Variants in PIK3C3 observed in about 807,000 individuals in gnomAD.
PIK3C3 encodes the protein phosphatidylinositol 3-kinase catalytic subunit type 3, also known as PI3-kinase type 3.
PIK3C3 carries 95 observed loss-of-function variants against 126.1 expected under a neutral mutation model. That is an observed-to-expected ratio of 0.75 (90% CI 0.64 to 0.89). The LOEUF (loss-of-function observed/expected upper bound fraction) is 0.89, where lower values mean the gene tolerates loss of function less well. Ranked by LOEUF, PIK3C3 falls within the 40% of genes least tolerant of loss-of-function variation. The pLI, the probability that PIK3C3 is intolerant of heterozygous loss-of-function variation, is 0.00. For synonymous variants in PIK3C3, 374 were observed against 360.0 expected (o/e 1.04, Z -0.44); for missense variants, 829 against 1,063.2 (o/e 0.78, Z 3.06).
intron 13 of PIK3C3, among the ~76,000 whole-genome samples, chr18:42,024,457 T>C (rs1983463212): frequency 6.6e-6 from 1 of 151,816 alleles, no homozygotes; most frequent in South Asian, 2.1e-4. Flanking sequence ...TTTTTGGAGA[T>C]GAAGTTTCAT....
rs1166563445 is a variant in PIK3C3 at position 42,085,523 on chromosome 18, C to G, written c.*4386C>G. On this transcript the variant is annotated 3_prime_UTR_variant, in exon 25 of 25. Transcript: ENST00000262039. ...TCACACACTAATTGTGTATAAAACA[C>G]TAGGAATGTCAAAATAGAACATAAG... The G allele has an allele frequency of 2.6e-5, 4 of 152,192 alleles. No homozygotes were observed. Among genetic ancestry groups the G allele is most frequent in the African/African-American group, 9.6e-5 (4 of 41,530 alleles). 9.4% of individuals were successfully genotyped at this position (152,192 alleles called of 1,614,324 possible). A position where few individuals can be genotyped will look rare whatever the true frequency, so the allele number is the denominator to read the frequency against.
At chr18:42,065,228 T>C (rs1258373403) in intron 23 of PIK3C3, among the ~76,000 whole-genome samples, 1 of 152,110 alleles carries the variant, frequency 6.6e-6, no homozygotes, top group Non-Finnish European at 1.5e-5. Flanking sequence ...GATGTGTGAA[T>C]AAACAGAAAA....
intron 24 of PIK3C3, among the ~76,000 whole-genome samples, chr18:42,069,217 G>C (rs545962656): frequency 6.6e-6 from 1 of 152,272 alleles, no homozygotes; most frequent in Non-Finnish European, 1.5e-5. Context: ...TGCTTCATGG[G>C]TCATTAATTG....
rs187277886 is a variant in PIK3C3, at chr18:42,038,582, G to A, written c.1969-199G>A. 2.7e-3 allele frequency among the ~76,000 whole-genome samples: 411 copies of A among 152,170 alleles called. 1 individual carries two copies. The highest frequency in any genetic ancestry group is 9.6e-3 in the African/African-American group (398 of 41,520). ...TGATCTTGAACTCCTGACCTCAGGTGATCCACCCGCCTCGGCCTCCCAAAG... is the reference window on the plus strand; with the variant it reads ...TGATCTTGAACTCCTGACCTCAGGTAATCCACCCGCCTCGGCCTCCCAAAG... On this transcript the variant is annotated intron_variant, in intron 17 of 24. Coordinates refer to ENST00000262039, the MANE Select transcript of PIK3C3 (RefSeq NM_002647.4).
intron 5 of PIK3C3, among the ~76,000 whole-genome samples, 189 bp from the exon 6 acceptor site, chr18:41,990,270 G>A (rs1981710029): frequency 6.6e-6 from 1 of 152,084 alleles, no homozygotes; most frequent in Non-Finnish European, 1.5e-5. Context: ...AAACAGTAGT[G>A]CTGTCTATAA....
intron 23 of PIK3C3, 95 bp from the exon 24 acceptor site, chr18:42,067,293 A>G (rs1349663909): frequency 1.8e-6 from 2 of 1,086,074 alleles, no homozygotes; most frequent in Non-Finnish European, 2.8e-6. Context: ...GGAATAGCTC[A>G]TGTTACCTTA....
At position 42,027,803 on chromosome 18, in the gene PIK3C3, C is replaced by T. The variant is rs1487907370; in HGVS notation, c.1590+255C>T. ...CCGAATAGCTGAGATTAAAGGCGCC[C>T]GCTACCATGCCCAGCTAATTTTTGT... On this transcript the variant is annotated intron_variant, in intron 14 of 24. Coordinates refer to ENST00000262039, the MANE Select transcript of PIK3C3 (RefSeq NM_002647.4). 2.6e-5 allele frequency among the ~76,000 whole-genome samples: 4 copies of T among 151,964 alleles called. No homozygotes were observed. In the East Asian group the frequency reaches 5.8e-4, roughly 22 times the overall value.
At chr18:42,078,477 G>A (rs1009879684) in intron 24 of PIK3C3, among the ~76,000 whole-genome samples, 1 of 151,324 alleles carries the variant, frequency 6.6e-6, no homozygotes, top group African/African-American at 2.4e-5. Context: ...GTAGATCAAA[G>A]GCAGAGTAGA....
rs370067871 is a variant in PIK3C3, at chr18:42,033,781, T to A, written c.1708-45T>A. The A allele has an allele frequency of 4.9e-6, 7 of 1,429,294 alleles. No homozygotes were observed. In the African/African-American group the frequency reaches 7.3e-5, roughly 15 times the overall value. The allele number at this position is 1,429,294 out of a possible 1,614,324, so 88.5% of individuals were successfully genotyped here. On this transcript the variant is annotated intron_variant, in intron 15 of 24. Transcript: ENST00000262039. ...TGTCTTTACTATATGTTTTATAAACTACTCTTCTATTTTAACCTCATTAAT... is the reference window on the plus strand; with the variant it reads ...TGTCTTTACTATATGTTTTATAAACAACTCTTCTATTTTAACCTCATTAAT...
chr18:41,958,981 C>T (rs1979938843), intron 2 of PIK3C3, among the ~76,000 whole-genome samples: 1 of 152,078 alleles, frequency 6.6e-6, no homozygotes, highest in Non-Finnish European at 1.5e-5. Flanking sequence ...ACTACAGTAT[C>T]ATCATCATCA....
intron 4 of PIK3C3, among the ~76,000 whole-genome samples, chr18:41,978,373 G>A (rs879610756): frequency 3.9e-5 from 6 of 152,182 alleles, no homozygotes; most frequent in African/African-American, 1.2e-4. Context: ...ATCAAGGAGT[G>A]CGATAATGGA....
chr18:41,971,087 G>C (rs1980643659), intron 4 of PIK3C3: 1 of 153,258 alleles, frequency 6.5e-6, no homozygotes, highest in Non-Finnish European at 1.5e-5. Flanking sequence ...TTTTCACTTA[G>C]AAATATAAAA....
intron 4 of PIK3C3, among the ~76,000 whole-genome samples, chr18:41,974,982 T>A (rs1373576066): frequency 2.6e-5 from 4 of 152,172 alleles, no homozygotes; most frequent in Non-Finnish European, 5.9e-5. Context: ...TCAGTTTGAT[T>A]AAGAGGAGGC....
chr18:42,040,852 C>T lies in PIK3C3; in HGVS notation c.2103+111C>T, dbSNP rs1984281981. 5.2e-5 allele frequency: 38 copies of T among 729,170 alleles called. No individual in the cohort carries two copies. In the South Asian group the frequency reaches 6.7e-4, roughly 13 times the overall value. 45.2% of individuals were successfully genotyped at this position (729,170 alleles called of 1,614,324 possible). The stretch of plus-strand genomic sequence containing the variant: ...AAGTCTCCTTTTATCATTTTTCTTT[C>T]TTCAAGTTTTTTTTCTTCCTTTATT... On this transcript the variant is annotated intron_variant, in intron 19 of 24. Transcript: ENST00000262039.
rs6146278 is a variant in PIK3C3 at position 42,079,946 on chromosome 18, AGTGTGTGTGTGTGT to A, written c.2650-1152_2650-1139del. ...TTCCCTCTTATTTCCCCAACTTTTG[AGTGTGTGTGTGTGT>A]GTGTGTGTGTGTGTGTGTGTGTGTA... On this transcript the variant is annotated intron_variant, in intron 24 of 24. Transcript: ENST00000262039. Among the ~76,000 whole-genome samples the A allele has an allele frequency of 4.7e-4, 64 of 137,234 alleles. 2 individuals carry two copies. Among genetic ancestry groups the A allele is most frequent in the East Asian group, 2.3e-3 (11 of 4,744 alleles). The allele number at this position is 137,234 out of a possible 152,430, so 90.0% of individuals were successfully genotyped here. A position where few individuals can be genotyped will look rare whatever the true frequency, so the allele number is the denominator to read the frequency against.
chr18:41,977,349 T>C (rs1458016093), intron 4 of PIK3C3, among the ~76,000 whole-genome samples: 1 of 152,166 alleles, frequency 6.6e-6, no homozygotes, highest in Non-Finnish European at 1.5e-5. Context: ...GTGTATGTTG[T>C]TCAAAGGAAC....
At chr18:42,028,265 T>C (rs1983663598) in intron 14 of PIK3C3, among the ~76,000 whole-genome samples, 1 of 152,240 alleles carries the variant, frequency 6.6e-6, no homozygotes. Flanking sequence ...CTTTCTATTG[T>C]GTATCTTTCT....
At chr18:42,018,582 A>G (rs1318435797) in intron 12 of PIK3C3, among the ~76,000 whole-genome samples, 2 of 152,086 alleles carry the variant, frequency 1.3e-5, no homozygotes, top group Non-Finnish European at 2.9e-5. Flanking sequence ...TAAAATTCTT[A>G]CTGAAAGCAT....
chr18:42,017,789 A>AT (rs1294527417), intron 12 of PIK3C3, among the ~76,000 whole-genome samples: 1 of 151,584 alleles, frequency 6.6e-6, no homozygotes, highest in African/African-American at 2.4e-5. Context: ...TTTCCTTTGA[A>AT]TTTTTTTGTA....
Sources: allele counts gnomAD v4.1 joint callset (sites outside exome capture counted in the v4.1 genomes callset), GRCh38; gene constraint gnomAD v4.1.1; transcripts MANE v1.5; gene names NCBI Gene and HGNC (gene_info 2026-07-23, HGNC 2026-07-21).